The following C10orf90 variants were observed in gnomAD, a reference collection of about 807,000 sequenced individuals.
The protein encoded by C10orf90 is (E2-independent) E3 ubiquitin-conjugating enzyme FATS.
A neutral mutation model predicts 62.5 loss-of-function variants in C10orf90; 56 were observed. That is an observed-to-expected ratio of 0.90 (90% CI 0.72 to 1.12). The LOEUF is 1.12. Among genes scored for constraint, C10orf90 ranks in the 50% most tolerant of loss-of-function variants. C10orf90 has a pLI of 0.00. For synonymous variants in C10orf90, 386 were observed against 340.4 expected (o/e 1.13, Z -1.47); for missense variants, 970 against 880.4 (o/e 1.10, Z -1.29).
intron 2 of C10orf90, among the ~76,000 whole-genome samples, chr10:126,548,745 C>CTT (rs71486601): frequency 0.28 from 39,994 of 142,370 alleles, 5,959 homozygotes; most frequent in East Asian, 0.36. Flanking sequence ...TATTACACAG[C>CTT]TTTTTTTTTT....
At chr10:126,652,608 A>G (rs568258967) in intron 1 of C10orf90, among the ~76,000 whole-genome samples, 19 of 152,298 alleles carry the variant, frequency 1.2e-4, no homozygotes, top group African/African-American at 3.4e-4. Flanking sequence ...TCATTTTCCC[A>G]TCAGGTGACT....
At chr10:126,490,010 A>AT (rs1462549796) in intron 4 of C10orf90, among the ~76,000 whole-genome samples, 1 of 75,730 alleles carries the variant, frequency 1.3e-5, no homozygotes, top group African/African-American at 5.8e-5. Context: ...TATATTATAT[A>AT]TATTATATAT....
intron 2 of C10orf90, among the ~76,000 whole-genome samples, chr10:126,521,745 G>C (rs1863754162): frequency 6.6e-6 from 1 of 152,166 alleles, no homozygotes. Flanking sequence ...AGAAAATTGA[G>C]CAATATAACA....
At chr10:126,485,523 C>T (rs1035489910) in intron 4 of C10orf90, among the ~76,000 whole-genome samples, 3 of 152,080 alleles carry the variant, frequency 2.0e-5, no homozygotes, top group Admixed American at 6.5e-5. Context: ...CAAAAAAGTC[C>T]TAACTTTTTT....
intron 2 of C10orf90, among the ~76,000 whole-genome samples, chr10:126,546,839 T>C (rs1041672614): frequency 1.2e-4 from 18 of 152,220 alleles, no homozygotes; most frequent in Non-Finnish European, 2.6e-4. Context: ...AAATCATTCA[T>C]CACCACCAGG....
chr10:126,470,453 A>G (rs1028677436), intron 4 of C10orf90, among the ~76,000 whole-genome samples: 3 of 152,204 alleles, frequency 2.0e-5, no homozygotes, highest in Admixed American at 6.5e-5. Flanking sequence ...CAAGAGGTTG[A>G]GCATGGTGTC....
At chr10:126,531,038 G>T (rs562977207) in intron 2 of C10orf90, among the ~76,000 whole-genome samples, 1 of 152,056 alleles carries the variant, frequency 6.6e-6, no homozygotes, top group Non-Finnish European at 1.5e-5. Flanking sequence ...GCCGGGTGTG[G>T]TGGCGGGTGC....
At chr10:126,455,006 C>A (rs1269335703) in intron 7 of C10orf90, among the ~76,000 whole-genome samples, 2 of 152,034 alleles carry the variant, frequency 1.3e-5, no homozygotes, top group Admixed American at 6.5e-5. Context: ...GTGTCAGCCT[C>A]CCTCTTCCAC....
chr10:126,521,470 C>A, intron 2 of C10orf90: 1 of 1,475,116 alleles, frequency 6.8e-7, no homozygotes, highest in Non-Finnish European at 8.9e-7. Flanking sequence ...CCAGCCTCGG[C>A]CAAAGAACCT....
chr10:126,626,990 T>TTTTTC lies in C10orf90; in HGVS notation c.313+19570_313+19574dup, dbSNP rs1362505219. 1.2e-3 allele frequency among the ~76,000 whole-genome samples: 149 copies of TTTTTC among 121,722 alleles called. 2 individuals are homozygous for TTTTTC. Among genetic ancestry groups the TTTTTC allele is most frequent in the Admixed American group, 2.0e-3 (23 of 11,624 alleles). 79.9% of individuals were successfully genotyped at this position (121,722 alleles called of 152,430 possible). On this transcript the variant is annotated intron_variant, in intron 2 of 9. Transcript: ENST00000488181. ...GCTGTGATTTAGATTTTTCTTTTTC[T>TTTTTC]TTTTCTTTTCTTTTTTTTTTTTTTT...
chr10:126,475,539 C>A (rs527495875), intron 4 of C10orf90, among the ~76,000 whole-genome samples: 18 of 152,308 alleles, frequency 1.2e-4, no homozygotes, highest in Non-Finnish European at 2.5e-4. Flanking sequence ...GTTTGGACAG[C>A]TGTTTCCTGG....
At chr10:126,618,791 A>G (rs1309964750) in intron 2 of C10orf90, among the ~76,000 whole-genome samples, 1 of 152,192 alleles carries the variant, frequency 6.6e-6, no homozygotes, top group African/African-American at 2.4e-5. Context: ...CCATCCTCAA[A>G]TTAATCATTC....
intron 4 of C10orf90, among the ~76,000 whole-genome samples, chr10:126,486,221 C>T (rs1861429923): frequency 1.3e-5 from 2 of 152,176 alleles, no homozygotes; most frequent in Admixed American, 1.3e-4. Flanking sequence ...AGCTAGTCCC[C>T]TTTCAGACTT....
At chr10:126,666,167 A>G (rs1398346176) in intron 1 of C10orf90, among the ~76,000 whole-genome samples, 1 of 152,184 alleles carries the variant, frequency 6.6e-6, no homozygotes, top group Admixed American at 6.5e-5. Context: ...TGCCCTGTGC[A>G]TTGTAGAATA....
At chr10:126,537,980 A>G (rs1160490905) in intron 2 of C10orf90, among the ~76,000 whole-genome samples, 1 of 152,214 alleles carries the variant, frequency 6.6e-6, no homozygotes, top group African/African-American at 2.4e-5. Flanking sequence ...ACAGTGGAAG[A>G]AAGCCACGTA....
intron 1 of C10orf90, among the ~76,000 whole-genome samples, chr10:126,661,751 C>T (rs902386639): frequency 2.0e-5 from 3 of 151,724 alleles, no homozygotes; most frequent in African/African-American, 7.3e-5. Context: ...GCTGTTAATC[C>T]CACCCAGTAA....
At chr10:126,636,562 C>G (rs1845953911) in intron 2 of C10orf90, among the ~76,000 whole-genome samples, 1 of 152,202 alleles carries the variant, frequency 6.6e-6, no homozygotes. Flanking sequence ...CTTCACTCCA[C>G]CTGTCCTTGT....
At chr10:126,669,669 C>G (rs983317206) in intron 1 of C10orf90, among the ~76,000 whole-genome samples, 2 of 149,756 alleles carry the variant, frequency 1.3e-5, no homozygotes, top group East Asian at 4.0e-4. Flanking sequence ...CTCACTTTGA[C>G]ATTTTAAATC....
chr10:126,455,703 G>T (rs559655186), intron 7 of C10orf90, among the ~76,000 whole-genome samples: 1 of 152,316 alleles, frequency 6.6e-6, no homozygotes, highest in South Asian at 2.1e-4. Context: ...ACAGACTGTA[G>T]CTATGACCTT....
Sources: gnomAD v4.1 joint callset for allele counts (sites outside exome capture counted in the v4.1 genomes callset) on GRCh38, gnomAD v4.1.1 for gene constraint, MANE v1.5 for transcripts, NCBI Gene and HGNC (gene_info 2026-07-23, HGNC 2026-07-21) for gene names.